TRAT1: variants seen among roughly 807,000 people sequenced by gnomAD.
TRAT1 encodes the protein T-cell receptor-associated transmembrane adapter 1.
Under a neutral mutation model 20.0 loss-of-function variants are expected in TRAT1, and 20 were observed. The ratio of observed to expected loss-of-function variants is 1.00; its 90% CI spans 0.70 to 1.45. The LOEUF (loss-of-function observed/expected upper bound fraction) is 1.45. Among genes scored for constraint, TRAT1 ranks in the 40% most tolerant of loss-of-function variants. TRAT1 has a pLI of 0.00. For synonymous variants in TRAT1, 77 were observed against 74.2 expected, an observed-to-expected ratio of 1.04 and a Z score of -0.20; for missense variants, 237 against 224.1, an observed-to-expected ratio of 1.06 and a Z score of -0.37.
At position 108,847,119 on chromosome 3, in the gene TRAT1, T is replaced by A; in HGVS notation, c.204T>A (p.Asp68Glu). The A allele has an allele frequency of 6.5e-7, 1 of 1,542,042 alleles. No individual in the cohort carries two copies. The highest frequency in any genetic ancestry group is 8.9e-7 in the Non-Finnish European group (1 of 1,124,878). ...CACCAATTTATGGTAACTTAGATGA[T>A]ATGATTTCAGGTAAGTTTTCCATAA... The part of the protein sequence containing the change: ...EDTPIYGNLD[D>E]MISEPMDENC... The change falls in exon 4 of 6, where the codon GAT becomes GAA. Residue 68 changes from aspartate (D) to glutamate (E), a missense_variant. Transcript: ENST00000295756.
intron 2 of TRAT1, among the ~76,000 whole-genome samples, chr3:108,836,490 C>G (rs1302280097): frequency 6.6e-6 from 1 of 152,074 alleles, no homozygotes; most frequent in Non-Finnish European, 1.5e-5. Context: ...TTAGTAATTT[C>G]ATTTCAAATC....
At chr3:108,833,833 T>C (rs1382400110) in intron 2 of TRAT1, among the ~76,000 whole-genome samples, 2 of 134,776 alleles carry the variant, frequency 1.5e-5, no homozygotes, top group East Asian at 2.2e-4. Flanking sequence ...CACACACACA[T>C]CTTTGCATAG....
intron 1 of TRAT1, among the ~76,000 whole-genome samples, chr3:108,825,380 A>G (rs1206615413): frequency 6.6e-6 from 1 of 152,088 alleles, no homozygotes; most frequent in South Asian, 2.1e-4. Context: ...TCTATCATTA[A>G]TTTAAATAAT....
chr3:108,844,389 C>T lies in TRAT1; in HGVS notation c.153-2679C>T, dbSNP rs2107513644. The stretch of plus-strand genomic sequence containing the variant: ...TTGGAGTGCAGTGGTGCAATCCCGG[C>T]TCACTGCCTTCTCTGCCTCCTGGGT... On this transcript the variant is annotated intron_variant, in intron 3 of 5. Coordinates refer to ENST00000295756, the MANE Select transcript of TRAT1 (RefSeq NM_016388.4). Among the ~76,000 whole-genome samples, 2 of 147,132 alleles carry T rather than the reference C, an allele frequency of 1.4e-5. 1 individual carries two copies. Among genetic ancestry groups the T allele is most frequent in the Non-Finnish European group, 2.9e-5 (2 of 67,874 alleles).
At chr3:108,849,059 T>C (rs1187537673) in intron 4 of TRAT1, 107 bp from the exon 5 acceptor site, 2 of 938,884 alleles carry the variant, frequency 2.1e-6, no homozygotes, top group African/African-American at 1.7e-5. Context: ...TAAGTAATTC[T>C]TGGGCAGTTT....
intron 2 of TRAT1, among the ~76,000 whole-genome samples, chr3:108,833,934 A>G (rs1002978943): frequency 6.6e-6 from 1 of 152,070 alleles, no homozygotes; most frequent in Non-Finnish European, 1.5e-5. Flanking sequence ...TTCCACAAAT[A>G]ATTATTAAGG....
chr3:108,847,923 CTTAAAG>C (rs1419849685), intron 4 of TRAT1, among the ~76,000 whole-genome samples: 4 of 152,220 alleles, frequency 2.6e-5, no homozygotes, highest in Non-Finnish European at 4.4e-5. Flanking sequence ...ATGGAATCAT[CTTAAAG>C]TTAGAAATGT....
At chr3:108,847,389 A>G (rs1945957119) in intron 4 of TRAT1, 5 of 329,734 alleles carry the variant, frequency 1.5e-5, no homozygotes, top group Non-Finnish European at 2.7e-5. Flanking sequence ...GAATACAGGA[A>G]GACTATTACC....
intron 1 of TRAT1, among the ~76,000 whole-genome samples, 193 bp from the exon 2 acceptor site, chr3:108,830,477 T>C (rs1200291854): frequency 6.6e-6 from 1 of 152,206 alleles, no homozygotes; most frequent in Admixed American, 6.5e-5. Flanking sequence ...CTTTTGCCCA[T>C]GCTGAATTCA....
chr3:108,847,988 C>T lies in TRAT1; in HGVS notation c.214+859C>T, dbSNP rs541274235. Among the ~76,000 whole-genome samples the T allele has an allele frequency of 5.3e-5, 8 of 152,298 alleles. No individual in the cohort carries two copies. The South Asian group carries it at 1.7e-3, about 32-fold the overall frequency. On this transcript the variant is annotated intron_variant, in intron 4 of 5. Transcript: ENST00000295756. ...AAGAATTTATTTTTATCTTTCCTTT[C>T]ATTGTAGAGTGTCCTCTAGTGCTCT...
At chr3:108,837,142 T>G (rs934785116) in intron 2 of TRAT1, among the ~76,000 whole-genome samples, 2 of 152,238 alleles carry the variant, frequency 1.3e-5, no homozygotes, top group African/African-American at 4.8e-5. Context: ...TTTTAGCCTC[T>G]CTAGGCTTCT....
chr3:108,823,958 G>A (rs1318568312), intron 1 of TRAT1, among the ~76,000 whole-genome samples: 1 of 151,876 alleles, frequency 6.6e-6, no homozygotes, highest in Non-Finnish European at 1.5e-5. Context: ...TGCAACCTCT[G>A]CCTCCCAGGT....
At chr3:108,836,392 T>A (rs1945842715) in intron 2 of TRAT1, among the ~76,000 whole-genome samples, 1 of 152,240 alleles carries the variant, frequency 6.6e-6, no homozygotes, top group Non-Finnish European at 1.5e-5. Flanking sequence ...CACTCTTCAC[T>A]TTTGTTTTCA....
chr3:108,847,087 G>A lies in TRAT1; in HGVS notation c.172G>A (p.Glu58Lys), dbSNP rs201679197. The A allele has an allele frequency of 1.3e-6, 2 of 1,541,102 alleles. No individual in the cohort carries two copies. Among genetic ancestry groups the A allele is most frequent in the Non-Finnish European group, 1.8e-6 (2 of 1,123,714 alleles). Residue 58 changes from glutamate (E) to lysine (K), a missense_variant, in exon 4 of 6, where the codon GAA becomes AAA. By Grantham distance (56) the Glu-to-Lys change is moderately conservative. Coordinates refer to ENST00000295756, the MANE Select transcript of TRAT1 (RefSeq NM_016388.4). Reference protein sequence around the residue: ...DHTRVDEYYIEDTPIYGNLDD... With the variant: ...DHTRVDEYYIKDTPIYGNLDD... ...TTATAGGGTTGATGAGTATTATATT[G>A]AAGACACACCAATTTATGGTAACTT... is the stretch of plus-strand genomic sequence containing the variant.
At chr3:108,830,414 A>C (rs1305549415) in intron 1 of TRAT1, among the ~76,000 whole-genome samples, 1 of 152,242 alleles carries the variant, frequency 6.6e-6, no homozygotes, top group Non-Finnish European at 1.5e-5. Flanking sequence ...TTTAATAGCT[A>C]CACAAAAAAG....
At chr3:108,849,569 C>T (rs2715718) in intron 5 of TRAT1, among the ~76,000 whole-genome samples, 87,426 of 151,986 alleles carry the variant, frequency 0.58, 25,649 homozygotes, top group East Asian at 0.9. Flanking sequence ...AGGTGACACA[C>T]GGATAATGCT....
intron 5 of TRAT1, among the ~76,000 whole-genome samples, chr3:108,851,870 AGTTGACCAAGT>A (rs11273158): frequency 0.55 from 83,244 of 151,552 alleles, 23,254 homozygotes; most frequent in East Asian, 0.9. Context: ...CACTTGATAA[AGTTGACCAAGT>A]GTTGACCACA....
intron 1 of TRAT1, among the ~76,000 whole-genome samples, chr3:108,823,594 A>T (rs1945711296): frequency 1.3e-5 from 2 of 152,208 alleles, no homozygotes; most frequent in Non-Finnish European, 2.9e-5. Context: ...ACTGTGAAAT[A>T]TATATATTAA....
chr3:108,842,042 G>A (rs1442183406), intron 3 of TRAT1, among the ~76,000 whole-genome samples: 1 of 152,096 alleles, frequency 6.6e-6, no homozygotes, highest in Admixed American at 6.6e-5. Flanking sequence ...CTGTTTTATT[G>A]AATAAAAATT....
Sources: allele counts gnomAD v4.1 joint callset (sites outside exome capture counted in the v4.1 genomes callset), GRCh38; gene constraint gnomAD v4.1.1; transcripts MANE v1.5; gene names NCBI Gene and HGNC (gene_info 2026-07-23, HGNC 2026-07-21).